Variants in DNAH2 observed in about 807,000 individuals in gnomAD.
DNAH2 encodes the protein axonemal beta dynein heavy chain 2.
A neutral mutation model predicts 523.5 loss-of-function variants in DNAH2; 323 were observed. The ratio of observed to expected loss-of-function variants is 0.62; its 90% CI spans 0.56 to 0.68. The LOEUF (loss-of-function observed/expected upper bound fraction) is 0.68, where lower values mean the gene tolerates loss of function less well. Among genes scored for constraint, DNAH2 ranks in the 30% least tolerant of loss-of-function variants. The probability of loss-of-function intolerance (pLI) is 0.00; values close to 1 mark genes in which losing one functional copy is unlikely to be tolerated. For missense variants in DNAH2, 4,907 were observed against 5,701.5 expected (o/e 0.86, Z 4.49); for synonymous variants, 2,093 against 2,177.4 (o/e 0.96, Z 1.08).
intron 46 of DNAH2, 25 bp from the exon 47 acceptor site, chr17:7,792,632 A>G: frequency 6.2e-7 from 1 of 1,602,622 alleles, no homozygotes; most frequent in Non-Finnish European, 8.5e-7. Context: ...CTGGTCCTTG[A>G]GAGCCGGCCC....
chr17:7,808,362 T>G (rs1009858140), intron 63 of DNAH2, among the ~76,000 whole-genome samples: 2 of 145,900 alleles, frequency 1.4e-5, no homozygotes, highest in Non-Finnish European at 3.0e-5. Context: ...AGAGTGAGAC[T>G]GTCTCAGAAA....
chr17:7,729,682 G>A (rs946310078), intron 4 of DNAH2, among the ~76,000 whole-genome samples: 7 of 152,120 alleles, frequency 4.6e-5, no homozygotes, highest in South Asian at 2.1e-4. Context: ...CACCTGCCTC[G>A]GCCTCCGAAA....
In DNAH2 at chr17:7,766,473, C is replaced by T; in HGVS notation, c.3667C>T (p.Leu1223=). ...EQPPSKDLQN[L]EKELDALQQI... The stretch of plus-strand genomic sequence containing the variant: ...GCCACCCTCCAAGGACCTTCAGAAC[C>T]TGGAGAAGGTGGTGTGCTGAGCAAG... Residue 1223 remains leucine, a synonymous_variant, in exon 22 of 86, where the codon CTG becomes TTG. Coordinates refer to ENST00000572933, the MANE Select transcript of DNAH2 (RefSeq NM_020877.5). 2 of 1,613,752 alleles carry T rather than the reference C, an allele frequency of 1.2e-6. No homozygotes were observed. The highest frequency in any genetic ancestry group is 1.7e-6 in the Non-Finnish European group (2 of 1,179,872).
intron 8 of DNAH2, 59 bp from the exon 9 acceptor site, chr17:7,739,674 G>T: frequency 1.3e-6 from 2 of 1,510,960 alleles, no homozygotes. Context: ...AAACCAAATA[G>T]CTTAGGACTT....
rs1184608765 is a variant in DNAH2 at position 7,831,604 on chromosome 17, C to T, written c.12612-57C>T. 1 of 1,613,062 alleles carries T rather than the reference C, an allele frequency of 6.2e-7. No individual in the cohort carries two copies. Among genetic ancestry groups the T allele is most frequent in the Non-Finnish European group, 8.5e-7 (1 of 1,179,282 alleles). ...GTGAGGAGAAGCCTTTGCCTTCTGG[C>T]TAGAATGACGTTCCCAGGCCCACCT... is the stretch of plus-strand genomic sequence containing the variant. On this transcript the variant is annotated intron_variant, in intron 81 of 85. Coordinates refer to ENST00000572933, the MANE Select transcript of DNAH2 (RefSeq NM_020877.5). This position sits in a 1 kb window ranked among gnomAD's most constrained non-coding sequence, Gnocchi z 4.2.
chr17:7,730,019 A>G (rs1316151953), intron 4 of DNAH2, among the ~76,000 whole-genome samples: 1 of 152,198 alleles, frequency 6.6e-6, no homozygotes, highest in Non-Finnish European at 1.5e-5. Flanking sequence ...ACATCAAAGA[A>G]AAAAGAGGAA....
At chr17:7,800,388 C>T (rs796387426) in intron 56 of DNAH2, among the ~76,000 whole-genome samples, 11 of 152,170 alleles carry the variant, frequency 7.2e-5, no homozygotes, top group African/African-American at 2.6e-4. Context: ...TTTCACTTAG[C>T]GTATTGTCCT....
At chr17:7,756,470 CT>C (rs1383551399) in intron 12 of DNAH2, among the ~76,000 whole-genome samples, 4 of 151,526 alleles carry the variant, frequency 2.6e-5, no homozygotes, top group Non-Finnish European at 5.9e-5. Context: ...AGATGGGGGT[CT>C]CACTATGTTG....
In DNAH2 at chr17:7,721,007, T is replaced by TC. The variant is rs1449925981; in HGVS notation, c.166+1107_166+1108insC. Among the ~76,000 whole-genome samples the TC allele has an allele frequency of 7.2e-3, 893 of 123,912 alleles. 4 individuals carry two copies. The highest frequency in any genetic ancestry group is 9.7e-3 in the Non-Finnish European group (581 of 59,720). The allele number at this position is 123,912 out of a possible 152,430, so 81.3% of individuals were successfully genotyped here. On this transcript the variant is annotated intron_variant, in intron 2 of 85. Coordinates refer to ENST00000572933, the MANE Select transcript of DNAH2 (RefSeq NM_020877.5). The stretch of plus-strand genomic sequence containing the variant: ...CCAAGCTTTCTTTTCTTTCTTTCTT[T>TC]TTTTTTTTTTTTTTTTTTTGAGACA...
rs1238141004 is a variant in DNAH2, at chr17:7,781,067, T to C, written c.6029T>C (p.Met2010Thr). Residue 2010 changes from methionine (M) to threonine (T), a missense_variant, in exon 39 of 86, where the codon ATG becomes ACG. Transcript: ENST00000572933. The part of the protein sequence containing the change: ...EEVLLLSMRD[M>T]NIAKLTSVDA... ...GTTCTGCTGCTCTCAATGAGAGATA[T>C]GAACATCGCCAAGCTCACTTCAGTT... The C allele has an allele frequency of 6.2e-7, 1 of 1,614,244 alleles. No homozygotes were observed. The highest frequency in any genetic ancestry group is 2.2e-5 in the East Asian group (1 of 44,894).
Position 7,799,130 on chromosome 17 carries a change from C to T in DNAH2, c.8587C>T (p.Arg2863Trp), listed in dbSNP as rs772274650. ...CCAGTCGCATATCATAGACCAGGCC[C>T]GGGTGGAGCAGGTGCCTGAGTCATC... ...EIQSHIIDQA[R>W]VEQVPESSDS... The change falls in exon 56 of 86, where the codon CGG becomes TGG. Residue 2863 changes from arginine (R) to tryptophan (W), a missense_variant. Arg to Trp is a moderately radical substitution (Grantham distance 101). Around this residue, in one of 3 missense-constraint regions of DNAH2, gnomAD observed 1,851 missense variants for 2,139.4 expected, o/e 0.87. Transcript: ENST00000572933. The T allele has an allele frequency of 8.1e-6, 13 of 1,614,164 alleles. No individual in the cohort carries two copies. The highest frequency in any genetic ancestry group is 4.5e-5 in the East Asian group (2 of 44,884).
chr17:7,740,430 G>A lies in DNAH2; in HGVS notation c.1387G>A (p.Gly463Arg). The change falls in exon 10 of 86, where the codon GGA becomes AGA. Residue 463 changes from glycine (G) to arginine (R), a missense_variant. This residue lies in a region of DNAH2 where 2,806 missense variants were observed against 3,190.8 expected (regional missense o/e 0.88). Transcript: ENST00000572933. ...TCTCCACCGGTGCAGGTTCCGTGCC[G>A]GAATCAAGGACCTGGAGGTGATGAC... ...WHEDYNKFRA[G>R]IKDLEVMTQN... 5.0e-6 allele frequency: 8 copies of A among 1,614,158 alleles called. No individual in the cohort carries two copies. The highest frequency in any genetic ancestry group is 6.8e-6 in the Non-Finnish European group (8 of 1,180,002).
At position 7,780,371 on chromosome 17, in the gene DNAH2, A is replaced by G. The variant is rs1283218699; in HGVS notation, c.5850+87A>G. On this transcript the variant is annotated intron_variant, in intron 37 of 85. Coordinates refer to ENST00000572933, the MANE Select transcript of DNAH2 (RefSeq NM_020877.5). This position sits in a 1 kb window ranked among gnomAD's most constrained non-coding sequence, Gnocchi z 4.4. ...AGAGGAGCTCCCCAAGGGCCTCACA[A>G]TCAGCTTATCCTCTAAGGAACTTAG... 1.9e-6 allele frequency: 3 copies of G among 1,583,460 alleles called. No homozygotes were observed. Among genetic ancestry groups the G allele is most frequent in the Non-Finnish European group, 2.6e-6 (3 of 1,160,742 alleles).
At chr17:7,727,526 G>A (rs766858722) in intron 4 of DNAH2, among the ~76,000 whole-genome samples, 10 of 152,116 alleles carry the variant, frequency 6.6e-5, no homozygotes, top group African/African-American at 2.2e-4. Context: ...GGCCGAGGCG[G>A]GTGGGCGGAT....
At chr17:7,775,139 G>A in intron 29 of DNAH2, 102 bp from the exon 30 acceptor site, 5 of 1,286,038 alleles carry the variant, frequency 3.9e-6, no homozygotes, top group Non-Finnish European at 5.5e-6. Context: ...AATATTGAGA[G>A]GAGGGGAGAG....
chr17:7,740,070 G>GT lies in DNAH2; in HGVS notation c.1376+132_1376+133insT, dbSNP rs386385570. 6.1e-4 allele frequency: 443 copies of GT among 727,076 alleles called. 9 individuals carry two copies. The highest frequency in any genetic ancestry group is 5.7e-3 in the African/African-American group (301 of 52,526). The allele number at this position is 727,076 out of a possible 1,614,324, so 45.0% of individuals were successfully genotyped here. A position where few individuals can be genotyped will look rare whatever the true frequency, so the allele number is the denominator to read the frequency against. On this transcript the variant is annotated intron_variant, in intron 9 of 85. Transcript: ENST00000572933. ...ATCGGGATCAGGGCGGTGGCCCGGG[G>GT]GGGGGGACAGGAGAGAGTGCAGGGG...
intron 14 of DNAH2, 89 bp downstream of exon 14, chr17:7,758,740 G>A: frequency 6.4e-7 from 1 of 1,560,798 alleles, no homozygotes; most frequent in South Asian, 1.2e-5. Flanking sequence ...AAACCTGGGG[G>A]TAGTGTAAAA....
At position 7,737,717 on chromosome 17, in the gene DNAH2, G is replaced by C. The variant is rs575324837; in HGVS notation, c.1170+459G>C. On this transcript the variant is annotated intron_variant, in intron 8 of 85. Coordinates refer to ENST00000572933, the MANE Select transcript of DNAH2 (RefSeq NM_020877.5). ...AGTGGGAGAAGGGACACTGAGCTGAGACCTTGCTGGGCAGGGTGGCTGCAG... is the reference window on the plus strand; with the variant it reads ...AGTGGGAGAAGGGACACTGAGCTGACACCTTGCTGGGCAGGGTGGCTGCAG... Among the ~76,000 whole-genome samples the C allele has an allele frequency of 2.0e-5, 3 of 152,342 alleles. No individual in the cohort carries two copies. In the East Asian group the frequency reaches 5.8e-4, roughly 29 times the overall value.
intron 3 of DNAH2, among the ~76,000 whole-genome samples, chr17:7,726,373 G>A (rs1194794594): frequency 1.7e-4 from 25 of 150,608 alleles, no homozygotes; most frequent in Admixed American, 1.3e-3. Flanking sequence ...GTGTGATCTC[G>A]GCTCACTGCA....
Sources: gnomAD v4.1 joint callset for allele counts (sites outside exome capture counted in the v4.1 genomes callset) on GRCh38, gnomAD v4.1.1 for gene constraint, gnomAD v4.1.1 regional missense constraint, Gnocchi (gnomAD v3.1) non-coding constraint, MANE v1.5 for transcripts, NCBI Gene and HGNC (gene_info 2026-07-23, HGNC 2026-07-21) for gene names.